Variants in BCAS4 observed in about 807,000 individuals in gnomAD.
BCAS4 encodes breast carcinoma amplified sequence 4, also known as breast carcinoma-amplified sequence 4.
A neutral mutation model predicts 15.7 loss-of-function variants in BCAS4; 9 were observed. The ratio of observed to expected loss-of-function variants is 0.57; its 90% confidence interval spans 0.34 to 1.00. The LOEUF (loss-of-function observed/expected upper bound fraction) is 1.00, where lower values mean the gene tolerates loss of function less well. Ranked by LOEUF, BCAS4 falls within the 50% of genes least tolerant of loss-of-function variation. The pLI, the probability that BCAS4 is intolerant of heterozygous loss-of-function variation, is 0.02. For missense variants in BCAS4, 225 were observed against 239.1 expected (o/e 0.94, Z 0.39); for synonymous variants, 101 against 99.5 (o/e 1.02, Z -0.09).
chr20:50,858,726 T>A (rs1978902830), intron 4 of BCAS4, among the ~76,000 whole-genome samples: 1 of 53,448 alleles, frequency 1.9e-5, no homozygotes, highest in Admixed American at 1.7e-4. Context: ...TTTTCTTGAA[T>A]TTTTTTTTTT....
At chr20:50,795,278 G>A in intron 1 of BCAS4, 105 bp downstream of exon 1, 1 of 1,080,268 alleles carries the variant, frequency 9.3e-7, no homozygotes, top group Non-Finnish European at 1.2e-6. Context: ...CCGGAGTGGG[G>A]GGCCCGGGGA....
chr20:50,795,187 C>T lies in BCAS4; in HGVS notation c.90+14C>T. 7.2e-7 allele frequency: 1 copy of T among 1,393,096 alleles called. No homozygotes were observed. The highest frequency in any genetic ancestry group is 9.4e-7 in the Non-Finnish European group (1 of 1,062,102). 86.3% of individuals were successfully genotyped at this position (1,393,096 alleles called of 1,614,324 possible). ...CCTGGGGCCGAGGTAGGGGACGGGG[C>T]TGTGGAGTTGGAGGAGAGGGTTCTC... On this transcript the variant is annotated intron_variant, in intron 1 of 4. Coordinates refer to ENST00000371608, the MANE Select transcript of BCAS4 (RefSeq NM_198799.4).
At chr20:50,824,891 G>A (rs1445331313) in intron 2 of BCAS4, among the ~76,000 whole-genome samples, 2 of 152,270 alleles carry the variant, frequency 1.3e-5, no homozygotes, top group South Asian at 4.1e-4. Context: ...TGATATCTTG[G>A]CATCTGGTTT....
intron 2 of BCAS4, among the ~76,000 whole-genome samples, chr20:50,822,602 C>G (rs1466053157): frequency 6.6e-6 from 1 of 151,824 alleles, no homozygotes; most frequent in East Asian, 1.9e-4. Flanking sequence ...AAAACTACAG[C>G]CACTTTGGAA....
intron 4 of BCAS4, among the ~76,000 whole-genome samples, chr20:50,868,701 C>T (rs770630829): frequency 6.6e-5 from 10 of 152,210 alleles, no homozygotes; most frequent in South Asian, 2.1e-4. Flanking sequence ...GGATTACAGG[C>T]TGCCATGCTC....
At chr20:50,855,228 C>T (rs1270734898) in intron 4 of BCAS4, among the ~76,000 whole-genome samples, 1 of 151,972 alleles carries the variant, frequency 6.6e-6, no homozygotes, top group Non-Finnish European at 1.5e-5. Flanking sequence ...TCTGCATCCC[C>T]AACAATTCTG....
intron 4 of BCAS4, among the ~76,000 whole-genome samples, chr20:50,864,438 GAT>G (rs568345563): frequency 0.043 from 5,897 of 138,404 alleles, 305 homozygotes; most frequent in East Asian, 0.15. Context: ...GATCATGATT[GAT>G]TTTTTTTTTT....
intron 4 of BCAS4, among the ~76,000 whole-genome samples, chr20:50,849,335 G>A (rs574842658): frequency 6.6e-6 from 1 of 152,342 alleles, no homozygotes; most frequent in East Asian, 1.9e-4. Context: ...CCTGGGGGAG[G>A]GAAGCTTGGC....
intron 3 of BCAS4, among the ~76,000 whole-genome samples, chr20:50,836,321 G>A (rs2123799565): frequency 6.6e-6 from 1 of 152,316 alleles, no homozygotes; most frequent in East Asian, 1.9e-4. Context: ...CAGAGCCAGA[G>A]AGCTGGGGCT....
intron 1 of BCAS4, among the ~76,000 whole-genome samples, chr20:50,796,879 G>A (rs1036908165): frequency 4.6e-5 from 7 of 150,690 alleles, no homozygotes; most frequent in Non-Finnish European, 8.8e-5. Context: ...CACCCAGGCT[G>A]GAGTGCAGTG....
At position 50,876,432 on chromosome 20, in the gene BCAS4, C is replaced by A; in HGVS notation, c.400-54C>A. On this transcript the variant is annotated intron_variant, in intron 4 of 4. Transcript: ENST00000371608. ...ACTTGTAGACCGGGAATTCCTGGGT[C>A]ATGGAACAAGTGGATCCAAATCGCT... The A allele has an allele frequency of 1.9e-6, 3 of 1,596,680 alleles. No individual in the cohort carries two copies. In the South Asian group the frequency reaches 3.4e-5, roughly 18 times the overall value.
chr20:50,876,529 T>C lies in BCAS4; in HGVS notation c.443T>C (p.Leu148Pro). The change falls in exon 5 of 5, where the codon CTG becomes CCG. Residue 148 changes from leucine (L) to proline (P), a missense_variant. Transcript: ENST00000371608. ...CCCGTGACGTACGAGCTGCCCACAC[T>C]GTATAGGACGGAGGACTATTTTCCT... ...PVPVTYELPTLYRTEDYFPVD... is the reference protein window; with the variant it reads ...PVPVTYELPTPYRTEDYFPVD... 6.2e-7 allele frequency: 1 copy of C among 1,614,006 alleles called. No individual in the cohort carries two copies. The highest frequency in any genetic ancestry group is 1.1e-5 in the South Asian group (1 of 91,070).
chr20:50,845,979 G>A (rs1212838169), intron 4 of BCAS4, among the ~76,000 whole-genome samples: 4 of 152,206 alleles, frequency 2.6e-5, no homozygotes, highest in African/African-American at 4.8e-5. Flanking sequence ...GTGACCTGTG[G>A]ATACTAGCGA....
chr20:50,876,376 T>G lies in BCAS4; in HGVS notation c.400-110T>G, dbSNP rs1979941437. The G allele has an allele frequency of 2.8e-6, 4 of 1,448,398 alleles. No individual in the cohort carries two copies. In the East Asian group the frequency reaches 9.3e-5, roughly 34 times the overall value. 89.7% of individuals were successfully genotyped at this position (1,448,398 alleles called of 1,614,324 possible). ...AGTGCTGTCAGAGGAGCTCAGAGTCTTTGGTCATATGTGTGAGTCCTGCAG... is the reference window on the plus strand; with the variant it reads ...AGTGCTGTCAGAGGAGCTCAGAGTCGTTGGTCATATGTGTGAGTCCTGCAG... On this transcript the variant is annotated intron_variant, in intron 4 of 4. Transcript: ENST00000371608.
downstream of BCAS4, chr20:50,879,187 C>G (rs1044244213): frequency 6.6e-6 from 1 of 152,234 alleles, no homozygotes; most frequent in African/African-American, 2.4e-5. Context: ...CTTGGACACT[C>G]TGCATGCCCC....
intron 3 of BCAS4, among the ~76,000 whole-genome samples, chr20:50,839,586 T>A (rs1040476632): frequency 6.6e-6 from 1 of 152,212 alleles, no homozygotes; most frequent in Non-Finnish European, 1.5e-5. Flanking sequence ...CACTGCAACC[T>A]CTGCCTCCCG....
chr20:50,817,472 C>CT (rs199546927), intron 1 of BCAS4, among the ~76,000 whole-genome samples: 1 of 151,938 alleles, frequency 6.6e-6, no homozygotes, highest in Non-Finnish European at 1.5e-5. Context: ...AAGACATGTA[C>CT]TTTTTTTTGA....
At chr20:50,804,029 G>A (rs530636482) in intron 1 of BCAS4, among the ~76,000 whole-genome samples, 1 of 152,110 alleles carries the variant, frequency 6.6e-6, no homozygotes, top group South Asian at 2.1e-4. Flanking sequence ...GAGCGTGTGG[G>A]CCTGGGGATC....
chr20:50,834,533 G>A (rs2088383848), intron 3 of BCAS4, among the ~76,000 whole-genome samples: 1 of 152,100 alleles, frequency 6.6e-6, no homozygotes, highest in Non-Finnish European at 1.5e-5. Flanking sequence ...GACCTCAAGT[G>A]ATCTACCTGC....
Sources: allele counts gnomAD v4.1 joint callset (sites outside exome capture counted in the v4.1 genomes callset), GRCh38; gene constraint gnomAD v4.1.1; transcripts MANE v1.5; gene names NCBI Gene and HGNC (gene_info 2026-07-23, HGNC 2026-07-21).